Variants in TRIM33 observed in about 807,000 individuals in gnomAD.
The protein encoded by TRIM33 is tripartite motif containing 33, also known as E3 ubiquitin-protein ligase TRIM33.
TRIM33 carries 20 observed loss-of-function variants against 125.4 expected under a neutral mutation model. That is an observed-to-expected ratio of 0.16 (90% confidence interval 0.11 to 0.23). The LOEUF is 0.23. Ranked by LOEUF, TRIM33 falls within the 10% of genes least tolerant of loss-of-function variation. The pLI, the probability that TRIM33 is intolerant of heterozygous loss-of-function variation, is 1.00. For synonymous variants in TRIM33, 564 were observed against 513.9 expected (o/e 1.10, Z -1.32); for missense variants, 920 against 1,411.4 (o/e 0.65, Z 5.58).
At chr1:114,497,805 T>G (rs1198645825) in intron 1 of TRIM33, among the ~76,000 whole-genome samples, 1 of 151,728 alleles carries the variant, frequency 6.6e-6, no homozygotes, top group African/African-American at 2.4e-5. Context: ...AGAACTGTAT[T>G]GCCTCATTCA....
At chr1:114,428,532 T>C (rs1287981083) in intron 6 of TRIM33, among the ~76,000 whole-genome samples, 1 of 152,232 alleles carries the variant, frequency 6.6e-6, no homozygotes, top group African/African-American at 2.4e-5. Flanking sequence ...GGTAATGTCC[T>C]ACATACTTTT....
intron 9 of TRIM33, 25 bp downstream of exon 9, chr1:114,425,424 A>C: frequency 6.2e-7 from 1 of 1,608,548 alleles, no homozygotes; most frequent in Non-Finnish European, 8.5e-7. Flanking sequence ...AATTTCTATC[A>C]ATAATGTAGT....
intron 1 of TRIM33, among the ~76,000 whole-genome samples, chr1:114,476,711 ACT>A (rs1176369035): frequency 6.6e-6 from 1 of 152,168 alleles, no homozygotes; most frequent in Non-Finnish European, 1.5e-5. Flanking sequence ...ACTCCATGTA[ACT>A]CTAAAGCAAG....
chr1:114,443,385 A>AAATGAATGAATGAATG lies in TRIM33; in HGVS notation c.924-9668_924-9653dup, dbSNP rs372157103. Among the ~76,000 whole-genome samples, 298 of 149,972 alleles carry AAATGAATGAATGAATG rather than the reference A, an allele frequency of 2.0e-3. 5 individuals are homozygous for AAATGAATGAATGAATG. Among genetic ancestry groups the AAATGAATGAATGAATG allele is most frequent in the African/African-American group, 7.1e-3 (286 of 40,152 alleles). On this transcript the variant is annotated intron_variant, in intron 4 of 19. Coordinates refer to ENST00000358465, the MANE Select transcript of TRIM33 (RefSeq NM_015906.4). ...GGTGACAGAGTAAGACTCCATCTCA[A>AAATGAATGAATGAATG]AATGAATGAATGAATGAATGAATGA...
chr1:114,413,582 AAGAAAAAGAC>A (rs1652730823), intron 11 of TRIM33, among the ~76,000 whole-genome samples: 2 of 138,528 alleles, frequency 1.4e-5, no homozygotes, highest in African/African-American at 6.2e-5. Flanking sequence ...AAGAAAAGAA[AAGAAAAAGAC>A]TTTTTCTGAA....
chr1:114,443,035 C>T (rs1430587089), intron 4 of TRIM33, among the ~76,000 whole-genome samples: 1 of 151,640 alleles, frequency 6.6e-6, no homozygotes, highest in Non-Finnish European at 1.5e-5. Context: ...TATTCCTTCC[C>T]TTCCTTTTCT....
chr1:114,502,634 G>A (rs184408087), intron 1 of TRIM33, among the ~76,000 whole-genome samples: 327 of 151,824 alleles, frequency 2.2e-3, no homozygotes, highest in South Asian at 4.2e-3. Flanking sequence ...AGCATCCTGA[G>A]TAGCTGGAAC....
intron 14 of TRIM33, 71 bp from the exon 15 acceptor site, chr1:114,405,830 A>T: frequency 7.6e-7 from 1 of 1,308,316 alleles, no homozygotes; most frequent in Non-Finnish European, 1.1e-6. Flanking sequence ...TGTATTTAAC[A>T]GTTATGTGAA....
chr1:114,483,377 AT>A (rs1320279458), intron 1 of TRIM33, among the ~76,000 whole-genome samples: 6 of 151,916 alleles, frequency 3.9e-5, no homozygotes, highest in Non-Finnish European at 7.4e-5. Context: ...TAGATCAGTA[AT>A]TTAAAATCTA....
In TRIM33 at chr1:114,471,868, G is replaced by C. The variant is rs556387136; in HGVS notation, c.527-7480C>G. On this transcript the variant is annotated intron_variant, in intron 1 of 19. Transcript: ENST00000358465. ...TTATAAAAAATTGAATGGTTGTCAA[G>C]CTCACATTTCCTTATCCAGTTTTTG... Among the ~76,000 whole-genome samples, 5 of 152,234 alleles carry C rather than the reference G, an allele frequency of 3.3e-5. No individual in the cohort carries two copies. The East Asian group carries it at 9.6e-4, about 29-fold the overall frequency.
chr1:114,430,175 G>T (rs1173757389), intron 6 of TRIM33, among the ~76,000 whole-genome samples: 3 of 151,994 alleles, frequency 2.0e-5, no homozygotes, highest in African/African-American at 4.8e-5. Context: ...TCTTAAGGGG[G>T]TGGGGAAGAA....
chr1:114,399,654 C>A, intron 17 of TRIM33, 45 bp from the exon 18 acceptor site: 1 of 1,478,588 alleles, frequency 6.8e-7, no homozygotes, highest in Non-Finnish European at 9.2e-7. Flanking sequence ...CCAAAAATGC[C>A]AAACTGTTTA....
At chr1:114,474,241 G>T (rs1420679393) in intron 1 of TRIM33, among the ~76,000 whole-genome samples, 1 of 151,694 alleles carries the variant, frequency 6.6e-6, no homozygotes, top group African/African-American at 2.4e-5. Context: ...CAGGATGAAA[G>T]AAAAAAGTAA....
rs1652923908 is a variant in TRIM33 at position 114,416,056 on chromosome 1, T to C, written c.2061+5380A>G. Among the ~76,000 whole-genome samples the C allele has an allele frequency of 3.3e-5, 5 of 152,106 alleles. No homozygotes were observed. The South Asian group carries it at 1.0e-3, about 32-fold the overall frequency. On this transcript the variant is annotated intron_variant, in intron 11 of 19. Coordinates refer to ENST00000358465, the MANE Select transcript of TRIM33 (RefSeq NM_015906.4). Reference sequence around the variant, plus strand: ...TCAAGGACCATTTCCGTTTGATCCTTCTATAATCAGTACTTAGGGTCTTAA... The same window carrying C: ...TCAAGGACCATTTCCGTTTGATCCTCCTATAATCAGTACTTAGGGTCTTAA...
At chr1:114,509,210 T>C (rs1653188496) in intron 1 of TRIM33, among the ~76,000 whole-genome samples, 1 of 152,190 alleles carries the variant, frequency 6.6e-6, no homozygotes, top group African/African-American at 2.4e-5. Context: ...CAGTCCACAA[T>C]GTCGAGGATA....
intron 15 of TRIM33, among the ~76,000 whole-genome samples, chr1:114,403,639 G>A (rs1342648077): frequency 6.6e-6 from 1 of 152,128 alleles, no homozygotes; most frequent in Non-Finnish European, 1.5e-5. Flanking sequence ...CCGGGTTCAA[G>A]CAATTCTCAT....
At chr1:114,506,299 C>T (rs553163540) in intron 1 of TRIM33, among the ~76,000 whole-genome samples, 2 of 150,810 alleles carry the variant, frequency 1.3e-5, no homozygotes, top group East Asian at 3.9e-4. Flanking sequence ...AGGAGAATCA[C>T]TTGAACCCAG....
chr1:114,456,512 G>C (rs1239135726), intron 4 of TRIM33, among the ~76,000 whole-genome samples: 2 of 152,088 alleles, frequency 1.3e-5, no homozygotes, highest in South Asian at 2.1e-4. Flanking sequence ...GGTCTCAACA[G>C]TACAAAAAAC....
intron 6 of TRIM33, among the ~76,000 whole-genome samples, chr1:114,428,639 G>A (rs1048042456): frequency 3.3e-5 from 5 of 152,106 alleles, no homozygotes; most frequent in Non-Finnish European, 7.3e-5. Flanking sequence ...TTTTTCCTAA[G>A]GAAAGAAGCT....
Sources: gnomAD v4.1 joint callset for allele counts (sites outside exome capture counted in the v4.1 genomes callset) on GRCh38, gnomAD v4.1.1 for gene constraint, MANE v1.5 for transcripts, NCBI Gene and HGNC (gene_info 2026-07-23, HGNC 2026-07-21) for gene names.